TBC1D8: variants seen among roughly 807,000 people sequenced by gnomAD.
TBC1D8 encodes the protein BUB2-like protein 1.
Under a neutral mutation model 118.8 loss-of-function variants are expected in TBC1D8, and 65 were observed. The ratio of observed to expected loss-of-function variants is 0.55; its 90% CI spans 0.45 to 0.67. TBC1D8 has a LOEUF of 0.67. TBC1D8 is among the 30% of genes least tolerant of loss of function. The pLI, the probability that TBC1D8 is intolerant of heterozygous loss-of-function variation, is 0.00. For missense variants in TBC1D8, 1,376 were observed against 1,471.2 expected (o/e 0.94, Z 1.06); for synonymous variants, 566 against 595.8 (o/e 0.95, Z 0.73).
At chr2:101,120,285 G>A (rs969523019) in intron 1 of TBC1D8, among the ~76,000 whole-genome samples, 1 of 152,168 alleles carries the variant, frequency 6.6e-6, no homozygotes, top group African/African-American at 2.4e-5. Flanking sequence ...GGCCTTCCCG[G>A]TGCCCACCCT....
intron 1 of TBC1D8, among the ~76,000 whole-genome samples, chr2:101,147,269 A>G (rs1679357979): frequency 6.6e-6 from 1 of 152,218 alleles, no homozygotes; most frequent in Admixed American, 6.5e-5. Flanking sequence ...TAGTGATGCA[A>G]TAAATACAGG....
intron 2 of TBC1D8, among the ~76,000 whole-genome samples, chr2:101,064,151 T>C (rs772072735): frequency 6.6e-6 from 1 of 152,176 alleles, no homozygotes; most frequent in Admixed American, 6.5e-5. Context: ...TGTTTGGAGA[T>C]AGCACTTTTA....
At chr2:101,030,813 A>G (rs914278290) in intron 11 of TBC1D8, among the ~76,000 whole-genome samples, 10 of 152,260 alleles carry the variant, frequency 6.6e-5, no homozygotes, top group African/African-American at 2.4e-4. Context: ...AAGAGGAGCA[A>G]GCTCTACAAA....
chr2:101,050,546 C>T lies in TBC1D8; in HGVS notation c.727G>A (p.Glu243Lys). 6.2e-7 allele frequency: 1 copy of T among 1,613,972 alleles called. No individual in the cohort carries two copies. The highest frequency in any genetic ancestry group is 8.5e-7 in the Non-Finnish European group (1 of 1,179,874). ...TTCAGGAACATGGAGAAGTCACGCT[C>T]CTTATTCTGCGTGGTGATTCGGATG... ...DTIRITTQNK[E>K]RDFSMFLNLD... The change falls in exon 5 of 20, where the codon GAG becomes AAG. Residue 243 changes from glutamate to lysine, a missense_variant. Physicochemically the swap from Glu to Lys is moderately conservative, Grantham distance 56 (BLOSUM62 1). Transcript: ENST00000409318.
intron 1 of TBC1D8, among the ~76,000 whole-genome samples, chr2:101,113,637 G>A (rs540973999): frequency 1.3e-5 from 2 of 152,222 alleles, no homozygotes; most frequent in South Asian, 4.2e-4. Context: ...TTGTTTAATG[G>A]CCCTGTACAT....
chr2:101,144,189 C>T (rs1679230571), intron 1 of TBC1D8, among the ~76,000 whole-genome samples: 1 of 152,130 alleles, frequency 6.6e-6, no homozygotes, highest in Non-Finnish European at 1.5e-5. Context: ...GTGACAAGAA[C>T]CATCAGCACT....
intron 17 of TBC1D8, among the ~76,000 whole-genome samples, chr2:101,014,196 AG>A (rs1236648202): frequency 6.6e-6 from 1 of 151,586 alleles, no homozygotes; most frequent in Non-Finnish European, 1.5e-5. Flanking sequence ...ATTTCGCAAA[AG>A]TTTTTTTTTT....
Position 101,080,655 on chromosome 2 carries a change from T to G in TBC1D8, c.283+9554A>C, listed in dbSNP as rs113309953. 1.4e-4 allele frequency among the ~76,000 whole-genome samples: 22 copies of G among 152,298 alleles called. 1 individual carries two copies. The highest frequency in any genetic ancestry group is 5.1e-4 in the African/African-American group (21 of 41,564). ...AGCCCTGGCAAGTCCCTGAGCTCCC[T>G]GTGGCTTGCTCCTTGCCTCTCCAGA... On this transcript the variant is annotated intron_variant, in intron 2 of 19. Coordinates refer to ENST00000409318, the MANE Select transcript of TBC1D8 (RefSeq NM_001330348.2).
intron 2 of TBC1D8, among the ~76,000 whole-genome samples, chr2:101,078,753 C>CAAAAAAAAAA: frequency 5.6e-5 from 6 of 108,098 alleles, no homozygotes; most frequent in Admixed American, 1.0e-4. Flanking sequence ...CCTTTCTTAG[C>CAAAAAAAAAA]AAAAAAAAAA....
chr2:101,090,185 C>T (rs1675931980), intron 2 of TBC1D8, 24 bp downstream of exon 2: 4 of 1,601,672 alleles, frequency 2.5e-6, no homozygotes, highest in Non-Finnish European at 3.4e-6. Context: ...AGGTTTGGAA[C>T]ATTCCAACTG....
At chr2:101,126,085 G>A (rs1468765144) in intron 1 of TBC1D8, among the ~76,000 whole-genome samples, 1 of 152,166 alleles carries the variant, frequency 6.6e-6, no homozygotes, top group Admixed American at 6.6e-5. Context: ...CAGTATCTGT[G>A]TCTGATGAAG....
intron 5 of TBC1D8, among the ~76,000 whole-genome samples, 199 bp downstream of exon 5, chr2:101,050,202 C>A (rs2105411663): frequency 6.6e-6 from 1 of 152,320 alleles, no homozygotes; most frequent in South Asian, 2.1e-4. Flanking sequence ...TTGAAGTCCA[C>A]TGCATAAATG....
intron 8 of TBC1D8, 102 bp downstream of exon 8, chr2:101,037,430 A>C (rs1257656115): frequency 4.0e-6 from 6 of 1,501,658 alleles, no homozygotes; most frequent in African/African-American, 1.4e-5. Context: ...TTAGCTTCCC[A>C]AAGTCAGGTG....
chr2:101,117,567 AC>A (rs901221328), intron 1 of TBC1D8, among the ~76,000 whole-genome samples: 4 of 137,688 alleles, frequency 2.9e-5, no homozygotes, highest in African/African-American at 1.1e-4. Context: ...AGGAGGCAGA[AC>A]TTTTTTTTTT....
At chr2:101,011,940 T>A (rs1679247506) in intron 17 of TBC1D8, among the ~76,000 whole-genome samples, 1 of 152,240 alleles carries the variant, frequency 6.6e-6, no homozygotes, top group African/African-American at 2.4e-5. Flanking sequence ...TTGGTAATGA[T>A]GTTAAACTTT....
At chr2:101,047,294 C>T (rs1420141204) in intron 5 of TBC1D8, among the ~76,000 whole-genome samples, 2 of 152,248 alleles carry the variant, frequency 1.3e-5, no homozygotes, top group African/African-American at 4.8e-5. Context: ...CGGCTCCGCA[C>T]TGTGGCCATA....
chr2:101,150,381 T>C (rs1176381899), intron 1 of TBC1D8, among the ~76,000 whole-genome samples: 1 of 152,172 alleles, frequency 6.6e-6, no homozygotes, highest in Non-Finnish European at 1.5e-5. Context: ...GTCTAATTGT[T>C]CCTTCACTGA....
intron 1 of TBC1D8, among the ~76,000 whole-genome samples, chr2:101,091,200 G>A (rs184102889): frequency 3.2e-4 from 48 of 152,218 alleles, no homozygotes; most frequent in Non-Finnish European, 6.2e-4. Context: ...CAAGAGAATC[G>A]CTTGATCCCA....
At chr2:101,138,375 A>G (rs1351425422) in intron 1 of TBC1D8, among the ~76,000 whole-genome samples, 1 of 152,150 alleles carries the variant, frequency 6.6e-6, no homozygotes, top group African/African-American at 2.4e-5. Flanking sequence ...ATACCAACCA[A>G]TTCTCCAACT....
Sources: allele counts gnomAD v4.1 joint callset (sites outside exome capture counted in the v4.1 genomes callset), GRCh38; gene constraint gnomAD v4.1.1; transcripts MANE v1.5; gene names NCBI Gene and HGNC (gene_info 2026-07-23, HGNC 2026-07-21).